Variants in CASP5 observed in about 807,000 individuals in gnomAD.
The protein encoded by CASP5 is caspase 5.
Under a neutral mutation model 45.2 loss-of-function variants are expected in CASP5, and 42 were observed. The observed-to-expected ratio is 0.93, with a 90% CI of 0.73 to 1.20. The LOEUF is 1.20. Ranked by LOEUF, CASP5 falls within the 50% of genes most tolerant of loss-of-function variation. The pLI is 0.00. For missense variants in CASP5, 512 were observed against 532.2 expected (o/e 0.96, Z 0.37); for synonymous variants, 209 against 186.2 (o/e 1.12, Z -1.00).
Position 105,022,877 on chromosome 11 carries a change from C to G in CASP5, c.7+253G>C, listed in dbSNP as rs536842171. Among the ~76,000 whole-genome samples the G allele has an allele frequency of 2.6e-5, 4 of 152,220 alleles. No individual in the cohort carries two copies. The East Asian group carries it at 7.7e-4, about 29-fold the overall frequency. On this transcript the variant is annotated intron_variant, in intron 1 of 9. Coordinates refer to ENST00000260315, the MANE Select transcript of CASP5 (RefSeq NM_004347.5). Reference sequence around the variant, plus strand: ...CTTACTCTGTCTTTCCTTACTCTCTCTTTGATTACCAGAAGCTGAAAGAAA... The same window carrying G: ...CTTACTCTGTCTTTCCTTACTCTCTGTTTGATTACCAGAAGCTGAAAGAAA...
intron 5 of CASP5, among the ~76,000 whole-genome samples, chr11:105,000,769 CT>C (rs142834837): frequency 0.027 from 4,083 of 151,758 alleles, 144 homozygotes; most frequent in African/African-American, 0.084. Context: ...ACTTATATTA[CT>C]TTTTTTTATC....
At chr11:104,998,831 T>G in intron 7 of CASP5, 54 bp downstream of exon 7, 1 of 1,572,640 alleles carries the variant, frequency 6.4e-7, no homozygotes, top group East Asian at 2.2e-5. Context: ...ATAGAATCAT[T>G]CAAAGGTGGC....
At chr11:104,999,285 A>G (rs1433272631) in intron 6 of CASP5, among the ~76,000 whole-genome samples, 2 of 152,142 alleles carry the variant, frequency 1.3e-5, no homozygotes, top group Non-Finnish European at 2.9e-5. Context: ...ACCCTCACTT[A>G]TAAGTGAGAA....
chr11:105,014,974 C>A (rs915370033), intron 1 of CASP5, among the ~76,000 whole-genome samples: 3 of 152,150 alleles, frequency 2.0e-5, no homozygotes, highest in South Asian at 4.1e-4. Flanking sequence ...GAGGGCTGGT[C>A]CCCTAACAGA....
chr11:105,009,679 G>T, intron 1 of CASP5, among the ~76,000 whole-genome samples: 1 of 128,020 alleles, frequency 7.8e-6, no homozygotes, highest in African/African-American at 2.8e-5. Flanking sequence ...ATTACTCCTT[G>T]GTATAATTCA....
intron 6 of CASP5, 84 bp from the exon 7 acceptor site, chr11:104,999,112 G>T (rs1392187402): frequency 8.5e-7 from 1 of 1,181,202 alleles, no homozygotes. Context: ...TTGTTACATA[G>T]TTACGCATGT....
At chr11:105,009,551 T>C (rs755615038) in intron 1 of CASP5, among the ~76,000 whole-genome samples, 1 of 151,146 alleles carries the variant, frequency 6.6e-6, no homozygotes, top group African/African-American at 2.4e-5. Flanking sequence ...AACTTAATCA[T>C]TAAGTGGATA....
At chr11:105,012,072 G>A (rs866096262) in intron 1 of CASP5, among the ~76,000 whole-genome samples, 12 of 151,568 alleles carry the variant, frequency 7.9e-5, no homozygotes. Context: ...CATAGTACTG[G>A]CATAAAAGCA....
At chr11:104,995,515 A>T (rs1861421415) in intron 9 of CASP5, among the ~76,000 whole-genome samples, 1 of 152,202 alleles carries the variant, frequency 6.6e-6, no homozygotes, top group Admixed American at 6.6e-5. Context: ...TTCATTGTGT[A>T]TTACATTTTG....
intron 4 of CASP5, among the ~76,000 whole-genome samples, chr11:105,002,459 A>T (rs1246616525): frequency 6.6e-6 from 1 of 152,080 alleles, no homozygotes; most frequent in Non-Finnish European, 1.5e-5. Flanking sequence ...CTACTCAAAC[A>T]TTTCTTATAT....
At chr11:105,012,089 G>A (rs75851359) in intron 1 of CASP5, among the ~76,000 whole-genome samples, 18 of 151,636 alleles carry the variant, frequency 1.2e-4, no homozygotes, top group Non-Finnish European at 2.7e-4. Flanking sequence ...AGCAAACACA[G>A]AGATCAATGG....
chr11:104,997,738 T>C (rs1861530754), intron 7 of CASP5, among the ~76,000 whole-genome samples: 1 of 152,178 alleles, frequency 6.6e-6, no homozygotes, highest in Non-Finnish European at 1.5e-5. Context: ...ACTAACTTTT[T>C]ATTATGGACC....
chr11:104,994,495 G>A (rs1002001286), intron 9 of CASP5, 148 bp from the exon 10 acceptor site: 6 of 152,172 alleles, frequency 3.9e-5, no homozygotes, highest in African/African-American at 1.2e-4. Flanking sequence ...TCTATTTAGT[G>A]AAAAGTACTC....
chr11:104,999,243 C>T (rs1039617408), intron 6 of CASP5, among the ~76,000 whole-genome samples: 6 of 152,042 alleles, frequency 3.9e-5, no homozygotes, highest in Non-Finnish European at 5.9e-5. Context: ...TGTGATATTC[C>T]CCTCCCTGTG....
intron 9 of CASP5, among the ~76,000 whole-genome samples, chr11:104,995,499 A>G (rs1045714991): frequency 6.6e-6 from 1 of 152,300 alleles, no homozygotes; most frequent in East Asian, 1.9e-4. Flanking sequence ...TTACTAACCT[A>G]GGACTTTCAT....
intron 1 of CASP5, among the ~76,000 whole-genome samples, chr11:105,011,637 A>G (rs75842707): frequency 0.026 from 3,955 of 151,886 alleles, 171 homozygotes; most frequent in African/African-American, 0.088. Flanking sequence ...AAAAATTAGT[A>G]TCATTTTTAT....
chr11:105,003,500 G>C, intron 3 of CASP5, 117 bp from the exon 4 acceptor site: 6 of 615,776 alleles, frequency 9.7e-6, no homozygotes, highest in Non-Finnish European at 1.7e-5. Flanking sequence ...TTTATATTTA[G>C]GGGTTATAGC....
intron 1 of CASP5, among the ~76,000 whole-genome samples, chr11:105,022,115 A>G (rs1332142283): frequency 3.4e-5 from 5 of 146,298 alleles, no homozygotes; most frequent in African/African-American, 1.3e-4. Context: ...AACAATGAGA[A>G]CACATGGACA....
chr11:105,006,560 C>T (rs1862008139), intron 3 of CASP5, among the ~76,000 whole-genome samples: 1 of 152,132 alleles, frequency 6.6e-6, no homozygotes, highest in Non-Finnish European at 1.5e-5. Flanking sequence ...AACACTGGAG[C>T]AGAATTGTTT....
Sources: gnomAD v4.1 joint callset for allele counts (sites outside exome capture counted in the v4.1 genomes callset) on GRCh38, gnomAD v4.1.1 for gene constraint, MANE v1.5 for transcripts, NCBI Gene and HGNC (gene_info 2026-07-23, HGNC 2026-07-21) for gene names.